The following NNT variants were observed in gnomAD, a reference collection of about 807,000 sequenced individuals.
NNT encodes NAD(P) transhydrogenase, mitochondrial.
In NNT, 50 loss-of-function variants were observed where a neutral mutation model predicts 104.8. The ratio of observed to expected loss-of-function variants is 0.48; its 90% CI spans 0.38 to 0.60. The LOEUF (loss-of-function observed/expected upper bound fraction) is 0.60. Ranked by LOEUF, NNT falls within the 20% of genes least tolerant of loss-of-function variation. The probability of loss-of-function intolerance (pLI) is 0.00; values close to 1 mark genes in which losing one functional copy is unlikely to be tolerated. For synonymous variants in NNT, 461 were observed against 490.4 expected, an observed-to-expected ratio of 0.94 and a Z score of 0.79; for missense variants, 1,131 against 1,330.7, an observed-to-expected ratio of 0.85 and a Z score of 2.33.
intron 7 of NNT, among the ~76,000 whole-genome samples, chr5:43,642,935 AT>A (rs1751313249): frequency 6.6e-6 from 1 of 152,162 alleles, no homozygotes; most frequent in African/African-American, 2.4e-5. Flanking sequence ...AAATATGTAT[AT>A]TTTAAAGAGA....
At chr5:43,680,525 A>G (rs939631762) in intron 19 of NNT, among the ~76,000 whole-genome samples, 15 of 152,276 alleles carry the variant, frequency 9.9e-5, no homozygotes, top group Admixed American at 5.2e-4. Context: ...CCCTGTGGAA[A>G]TGTGCCAGTG....
intron 15 of NNT, 120 bp from the exon 16 acceptor site, chr5:43,656,533 A>G: frequency 3.2e-6 from 3 of 923,834 alleles, no homozygotes; most frequent in Non-Finnish European, 4.8e-6. Flanking sequence ...AATATATGTG[A>G]ACTAAACAGC....
intron 17 of NNT, chr5:43,667,123 G>T: frequency 6.6e-7 from 1 of 1,509,858 alleles, no homozygotes. Flanking sequence ...CAGGAACTTG[G>T]GGTCCACCCC....
intron 19 of NNT, among the ~76,000 whole-genome samples, chr5:43,689,227 GGAT>G (rs1218479891): frequency 1.3e-5 from 2 of 152,030 alleles, no homozygotes; most frequent in African/African-American, 4.8e-5. Flanking sequence ...CTTTTAGATG[GGAT>G]CGTTTGTTTT....
chr5:43,629,105 C>T (rs975545079), intron 7 of NNT, among the ~76,000 whole-genome samples: 2 of 152,146 alleles, frequency 1.3e-5, no homozygotes, highest in African/African-American at 4.8e-5. Flanking sequence ...GCACCTGTCA[C>T]CTGAGCAGTA....
chr5:43,678,640 G>A (rs1325253211), intron 19 of NNT, among the ~76,000 whole-genome samples: 1 of 152,170 alleles, frequency 6.6e-6, no homozygotes, highest in African/African-American at 2.4e-5. Flanking sequence ...TCTTAAAAGA[G>A]AGGCCTTGAA....
chr5:43,667,931 T>C (rs910012470), intron 17 of NNT, among the ~76,000 whole-genome samples: 1 of 152,210 alleles, frequency 6.6e-6, no homozygotes, highest in African/African-American at 2.4e-5. Flanking sequence ...CCAGCACCTG[T>C]TGTTTCCTGA....
Position 43,609,300 on chromosome 5 carries a change from A to G in NNT, c.105A>G (p.Thr35=), listed in dbSNP as rs745685714. The G allele has an allele frequency of 6.2e-7, 1 of 1,614,124 alleles. No individual in the cohort carries two copies. Among genetic ancestry groups the G allele is most frequent in the East Asian group, 2.2e-5 (1 of 44,868 alleles). The part of the protein sequence containing the change: ...GLRVKKDFLR[T]FYTHQELWCK... ...GTGTGAAGAAGGATTTTTTACGAAC[A>G]TTTTATACTCACCAAGAACTGTGGT... Residue 35 remains threonine, a synonymous_variant, in exon 2 of 22, where the codon ACA becomes ACG. Coordinates refer to ENST00000344920, the MANE Select transcript of NNT (RefSeq NM_182977.3).
At chr5:43,668,244 G>GTT (rs57590117) in intron 17 of NNT, among the ~76,000 whole-genome samples, 1,582 of 138,308 alleles carry the variant, frequency 0.011, 27 homozygotes, top group African/African-American at 0.038. Flanking sequence ...TCTGATGGTG[G>GTT]TTTTTTTTTT....
intron 17 of NNT, among the ~76,000 whole-genome samples, chr5:43,660,114 A>G (rs936600615): frequency 2.6e-5 from 4 of 152,240 alleles, no homozygotes; most frequent in Admixed American, 2.6e-4. Flanking sequence ...AATGCTATAC[A>G]TATGAAGTTG....
In NNT at chr5:43,649,144, T is replaced by C. The variant is rs1349735053; in HGVS notation, c.1445-3T>C. ...AAACACACTCTTTACTCTCTTTCTC[T>C]AGGTCTCACAGGGATACTGGGTTTG... On this transcript the variant is annotated splice_region_variant and splice_polypyrimidine_tract_variant and intron_variant, in intron 10 of 21. Coordinates refer to ENST00000344920, the MANE Select transcript of NNT (RefSeq NM_182977.3). The C allele has an allele frequency of 1.2e-6, 2 of 1,613,956 alleles. No homozygotes were observed. Among genetic ancestry groups the C allele is most frequent in the African/African-American group, 2.7e-5 (2 of 74,940 alleles).
At position 43,665,711 on chromosome 5, in the gene NNT, G is replaced by A. The variant is rs542431059; in HGVS notation, c.2634+6361G>A. ...TTTTCTATTCGACAAAACCGCCATCGTCATCATGGCCCGTTCTCAAGGAGC... is the reference window on the plus strand; with the variant it reads ...TTTTCTATTCGACAAAACCGCCATCATCATCATGGCCCGTTCTCAAGGAGC... On this transcript the variant is annotated intron_variant, in intron 17 of 21. Transcript: ENST00000344920. Among the ~76,000 whole-genome samples the A allele has an allele frequency of 4.1e-3, 576 of 139,292 alleles. 14 individuals carry two copies. The highest frequency in any genetic ancestry group is 0.013 in the African/African-American group (550 of 41,074). 91.4% of individuals were successfully genotyped at this position (139,292 alleles called of 152,430 possible). A position where few individuals can be genotyped will look rare whatever the true frequency, so the allele number is the denominator to read the frequency against.
At chr5:43,689,146 G>A (rs867373931) in intron 19 of NNT, among the ~76,000 whole-genome samples, 2 of 152,170 alleles carry the variant, frequency 1.3e-5, no homozygotes, top group South Asian at 4.1e-4. Flanking sequence ...GTGATATTGA[G>A]CATTTTTCCA....
chr5:43,623,217 T>A (rs1750186134), intron 5 of NNT, among the ~76,000 whole-genome samples: 1 of 152,164 alleles, frequency 6.6e-6, no homozygotes, highest in Admixed American at 6.5e-5. Context: ...GATGGGTGGG[T>A]GGCAATTTGT....
At chr5:43,671,037 A>T (rs1741045278) in intron 17 of NNT, among the ~76,000 whole-genome samples, 1 of 152,116 alleles carries the variant, frequency 6.6e-6, no homozygotes, top group Non-Finnish European at 1.5e-5. Flanking sequence ...CCATTATGTA[A>T]TGGCCTTCTT....
At chr5:43,695,123 G>A (rs771990546) in intron 19 of NNT, among the ~76,000 whole-genome samples, 1 of 152,128 alleles carries the variant, frequency 6.6e-6, no homozygotes, top group Non-Finnish European at 1.5e-5. Context: ...GTCATTTGAT[G>A]TATTTTTCCT....
chr5:43,624,149 A>C (rs76851114), intron 6 of NNT, 29 bp downstream of exon 6: 1 of 1,601,822 alleles, frequency 6.2e-7, no homozygotes. Flanking sequence ...ACTGATGTTA[A>C]GGTAAAAACA....
intron 1 of NNT, among the ~76,000 whole-genome samples, chr5:43,605,510 G>A (rs1050529333): frequency 1.1e-4 from 12 of 106,306 alleles, no homozygotes; most frequent in Non-Finnish European, 1.7e-4. Context: ...GCGACAGAGC[G>A]AGACTCCGTC....
At chr5:43,657,421 A>G (rs1034158956) in intron 16 of NNT, among the ~76,000 whole-genome samples, 1 of 152,202 alleles carries the variant, frequency 6.6e-6, no homozygotes, top group Admixed American at 6.5e-5. Context: ...ATATCAATGT[A>G]TGATGCTGTT....
Sources: gnomAD v4.1 joint callset for allele counts (sites outside exome capture counted in the v4.1 genomes callset) on GRCh38, gnomAD v4.1.1 for gene constraint, MANE v1.5 for transcripts, NCBI Gene and HGNC (gene_info 2026-07-23, HGNC 2026-07-21) for gene names.